The following MICU3 variants were observed in gnomAD, a reference collection of about 807,000 sequenced individuals.
MICU3 encodes the protein mitochondrial calcium uptake 3, also known as calcium uptake protein 3, mitochondrial.
Under a neutral mutation model 66.5 loss-of-function variants are expected in MICU3, and 62 were observed. That is an observed-to-expected ratio of 0.93 (90% CI 0.76 to 1.15). The LOEUF (loss-of-function observed/expected upper bound fraction) is 1.15, where lower values mean the gene tolerates loss of function less well. Ranked by LOEUF, MICU3 falls within the 50% of genes most tolerant of loss-of-function variation. MICU3 has a pLI of 0.00. For missense variants in MICU3, 779 were observed against 664.4 expected, an observed-to-expected ratio of 1.17 and a Z score of -1.90; for synonymous variants, 308 against 240.7, an observed-to-expected ratio of 1.28 and a Z score of -2.59.
At chr8:17,067,180 C>A (rs1400550599) in intron 2 of MICU3, among the ~76,000 whole-genome samples, 4 of 152,250 alleles carry the variant, frequency 2.6e-5, no homozygotes, top group African/African-American at 9.6e-5. Context: ...AACAATGTTT[C>A]ATGTACTGAG....
At chr8:17,070,386 A>G (rs1253477813) in intron 3 of MICU3, among the ~76,000 whole-genome samples, 2 of 152,162 alleles carry the variant, frequency 1.3e-5, no homozygotes, top group Non-Finnish European at 2.9e-5. Context: ...AATACAAAGT[A>G]TAATTCTATT....
intron 1 of MICU3, among the ~76,000 whole-genome samples, chr8:17,055,264 CAAT>C (rs35065707): frequency 0.095 from 14,436 of 152,058 alleles, 2,305 homozygotes; most frequent in African/African-American, 0.33. Flanking sequence ...TTTCCTGAAA[CAAT>C]GATGAAGGTG....
chr8:17,048,573 A>G (rs368658118), intron 1 of MICU3, among the ~76,000 whole-genome samples: 2 of 152,268 alleles, frequency 1.3e-5, no homozygotes, highest in South Asian at 4.1e-4. Context: ...ACAATTCAAG[A>G]TGAGATTTTG....
chr8:17,108,521 C>T (rs560808942), intron 11 of MICU3, among the ~76,000 whole-genome samples: 1 of 152,236 alleles, frequency 6.6e-6, no homozygotes, highest in Non-Finnish European at 1.5e-5. Context: ...TTCGGTTCTT[C>T]TTAGTTCTTG....
At chr8:17,067,426 C>G (rs577751131) in intron 2 of MICU3, among the ~76,000 whole-genome samples, 3 of 147,984 alleles carry the variant, frequency 2.0e-5, no homozygotes, top group Non-Finnish European at 4.5e-5. Flanking sequence ...AATTCATAGC[C>G]ATGATTTTTT....
At chr8:17,113,590 A>G (rs1412080338) in intron 11 of MICU3, among the ~76,000 whole-genome samples, 1 of 152,232 alleles carries the variant, frequency 6.6e-6, no homozygotes, top group Non-Finnish European at 1.5e-5. Context: ...ACAAGTGTGA[A>G]TACACTGCGT....
chr8:17,109,034 A>G (rs79213669), intron 11 of MICU3, among the ~76,000 whole-genome samples: 6,111 of 152,158 alleles, frequency 0.04, 178 homozygotes, highest in Non-Finnish European at 0.059. Flanking sequence ...CTATTTCTCA[A>G]TGATGCCTAC....
chr8:17,091,801 G>A (rs1005394046), intron 8 of MICU3, among the ~76,000 whole-genome samples: 2 of 151,970 alleles, frequency 1.3e-5, no homozygotes, highest in African/African-American at 4.8e-5. Flanking sequence ...ACAATTTCTG[G>A]AATGTGTAAG....
intron 1 of MICU3, among the ~76,000 whole-genome samples, chr8:17,063,439 A>C (rs1226691661): frequency 6.6e-6 from 1 of 151,874 alleles, no homozygotes; most frequent in Non-Finnish European, 1.5e-5. Flanking sequence ...AAATCCTTTT[A>C]TTAAAAAAAA....
intron 13 of MICU3, among the ~76,000 whole-genome samples, 161 bp downstream of exon 13, chr8:17,116,761 A>G (rs1802722393): frequency 6.6e-6 from 1 of 152,192 alleles, no homozygotes. Flanking sequence ...TTAAAAAACA[A>G]TTTGAGGTGA....
chr8:17,045,164 A>T (rs1190445807), intron 1 of MICU3, among the ~76,000 whole-genome samples: 2 of 152,126 alleles, frequency 1.3e-5, no homozygotes, highest in African/African-American at 4.8e-5. Flanking sequence ...AAAATAAATT[A>T]TGGAATACTT....
At chr8:17,035,112 G>A (rs934732493) in intron 1 of MICU3, among the ~76,000 whole-genome samples, 19 of 152,262 alleles carry the variant, frequency 1.2e-4, no homozygotes, top group South Asian at 2.1e-4. Flanking sequence ...CTTTCCTGCC[G>A]CCATGTAAGA....
the MICU3 span, among the ~76,000 whole-genome samples, chr8:17,135,308 G>T: frequency 6.6e-6 from 1 of 151,808 alleles, no homozygotes; most frequent in African/African-American, 2.4e-5. Context: ...TGAGGCAGGA[G>T]AATTGCTTGA....
chr8:17,123,150 G>A (rs1463185377), downstream of MICU3, among the ~76,000 whole-genome samples: 2 of 152,028 alleles, frequency 1.3e-5, no homozygotes, highest in African/African-American at 4.8e-5. Context: ...AAAATTGGTA[G>A]CATTTTTAAT....
In MICU3 at chr8:17,116,533, A is replaced by G. The variant is rs779266835; in HGVS notation, c.1457A>G (p.Lys486Arg). The part of the protein sequence containing the change: ...NTVFKIFDVD[K>R]DDQLSYKEFI... The stretch of plus-strand genomic sequence containing the variant: ...GTCTTCAAGATTTTTGATGTTGACA[A>G]AGATGATCAATTAAGTTATAAAGAA... The change falls in exon 13 of 15, where the codon AAA becomes AGA. Residue 486 changes from lysine (K) to arginine (R), a missense_variant. Physicochemically the swap from Lys to Arg is conservative, Grantham distance 26. Coordinates refer to ENST00000318063, the MANE Select transcript of MICU3 (RefSeq NM_181723.3). 177 of 1,570,304 alleles carry G rather than the reference A, an allele frequency of 1.1e-4. No individual in the cohort carries two copies. The highest frequency in any genetic ancestry group is 3.4e-6 in the Non-Finnish European group (4 of 1,165,212).
chr8:17,123,079 C>T (rs984806633), downstream of MICU3, among the ~76,000 whole-genome samples: 20 of 151,966 alleles, frequency 1.3e-4, 1 homozygote, highest in African/African-American at 4.1e-4. Flanking sequence ...AATATGAATT[C>T]CATAATATTC....
At chr8:17,117,496 CTAACA>C (rs1225410251) in intron 13 of MICU3, among the ~76,000 whole-genome samples, 1 of 151,708 alleles carries the variant, frequency 6.6e-6, no homozygotes. Flanking sequence ...GTGTACATAT[CTAACA>C]TATTATGGAT....
chr8:17,117,398 C>G (rs1420909262), intron 13 of MICU3, among the ~76,000 whole-genome samples: 5 of 151,894 alleles, frequency 3.3e-5, no homozygotes, highest in African/African-American at 1.2e-4. Flanking sequence ...CGAAATCTTA[C>G]AGTAAAAAAT....
At chr8:17,088,443 T>G (rs1799701017) in intron 7 of MICU3, among the ~76,000 whole-genome samples, 1 of 152,030 alleles carries the variant, frequency 6.6e-6, no homozygotes, top group South Asian at 2.1e-4. Context: ...TTTTATTTCT[T>G]GTAAATAATA....
Sources: gnomAD v4.1 joint callset for allele counts (sites outside exome capture counted in the v4.1 genomes callset) on GRCh38, gnomAD v4.1.1 for gene constraint, MANE v1.5 for transcripts, NCBI Gene and HGNC (gene_info 2026-07-23, HGNC 2026-07-21) for gene names.